The following REELD1 variants were observed in gnomAD, a reference collection of about 807,000 sequenced individuals.
REELD1 encodes reelin domain-containing protein 1.
REELD1 carries 12 observed loss-of-function variants against 6.3 expected under a neutral mutation model. The ratio of observed to expected loss-of-function variants is 1.89; its 90% confidence interval spans 1.21 to 3.07. REELD1 has a LOEUF of 3.07. Ranked by LOEUF, REELD1 falls within the 30% of genes most tolerant of loss-of-function variation. The pLI, the probability that REELD1 is intolerant of heterozygous loss-of-function variation, is 0.00. For missense variants in REELD1, 163 were observed against 86.8 expected (o/e 1.88, Z -3.49); for synonymous variants, 57 against 33.6 (o/e 1.70, Z -2.42).
rs151007671 is a variant in REELD1 at position 146,225,366 on chromosome 4, C to T, written c.595+758C>T. On this transcript the variant is annotated intron_variant, in intron 5 of 7. Coordinates refer to ENST00000623665, the MANE Select transcript of REELD1 (RefSeq NM_001354631.1). ...CACAAGACCCTACCCTTAATCCATT[C>T]ATTCTCCTCTTCGCTTATTCTTTCC... Among the ~76,000 whole-genome samples the T allele has an allele frequency of 1.2e-4, 19 of 152,312 alleles. No individual in the cohort carries two copies. The East Asian group carries it at 3.1e-3, about 25-fold the overall frequency.
intron 4 of REELD1, among the ~76,000 whole-genome samples, chr4:146,223,593 C>T (rs1730962012): frequency 6.6e-6 from 1 of 152,162 alleles, no homozygotes; most frequent in African/African-American, 2.4e-5. Flanking sequence ...TTGGATGTAC[C>T]ATCATAGTTG....
rs747107941 is a variant in REELD1, at chr4:146,228,502, C to T, written c.888C>T (p.Ser296=). The part of the protein sequence containing the change: ...LKRVSSESFA[S]SLSTHHRTQD... ...GAGTCTCCTCAGAGAGCTTTGCTTC[C>T]AGCCTTAGCACCCATCACAGGTAAG... The change falls in exon 6 of 8, where the codon TCC becomes TCT. Residue 296 remains serine, a synonymous_variant. Coordinates refer to ENST00000623665, the MANE Select transcript of REELD1 (RefSeq NM_001354631.1). 1.4e-6 allele frequency: 1 copy of T among 702,336 alleles called. No individual in the cohort carries two copies. Among genetic ancestry groups the T allele is most frequent in the South Asian group, 1.5e-5 (1 of 67,568 alleles). 43.5% of individuals were successfully genotyped at this position (702,336 alleles called of 1,614,324 possible).
intron 4 of REELD1, 105 bp downstream of exon 4, chr4:146,222,684 G>A: frequency 2.5e-6 from 1 of 397,380 alleles, no homozygotes; most frequent in Non-Finnish European, 4.4e-6. Flanking sequence ...CTCCTTATGT[G>A]GCCACCTTAT....
chr4:146,222,116 A>C (rs996884210), intron 3 of REELD1, among the ~76,000 whole-genome samples: 2 of 152,246 alleles, frequency 1.3e-5, no homozygotes, highest in East Asian at 3.9e-4. Context: ...AGGTATTTCT[A>C]AATCCAATAT....
intron 5 of REELD1, among the ~76,000 whole-genome samples, chr4:146,227,114 T>A (rs750945627): frequency 3.4e-4 from 51 of 152,192 alleles, no homozygotes; most frequent in Non-Finnish European, 7.1e-4. Flanking sequence ...CTCTTCCCAG[T>A]TTTGAGTTCA....
At chr4:146,226,556 A>G (rs1731026553) in intron 5 of REELD1, among the ~76,000 whole-genome samples, 1 of 152,186 alleles carries the variant, frequency 6.6e-6, no homozygotes, top group African/African-American at 2.4e-5. Flanking sequence ...CTGTCTTCAC[A>G]TGGTGGAAGG....
intron 5 of REELD1, among the ~76,000 whole-genome samples, chr4:146,225,350 C>T (rs1165058645): frequency 1.3e-5 from 2 of 152,182 alleles, no homozygotes; most frequent in Non-Finnish European, 2.9e-5. Context: ...ACACAAGACC[C>T]TACCCTTAAT....
chr4:146,224,308 C>CT (rs1291249238), intron 4 of REELD1, 137 bp from the exon 5 acceptor site: 1 of 430,654 alleles, frequency 2.3e-6, no homozygotes. Context: ...TATAATCTCT[C>CT]TCTCTCATTC....
At chr4:146,215,976 C>A (rs1414510153) in intron 2 of REELD1, among the ~76,000 whole-genome samples, 2 of 152,166 alleles carry the variant, frequency 1.3e-5, no homozygotes, top group African/African-American at 2.4e-5. Context: ...GTCTTGAACT[C>A]CTGTGCTCAC....
chr4:146,223,733 C>T (rs138839716), intron 4 of REELD1, among the ~76,000 whole-genome samples: 32 of 152,328 alleles, frequency 2.1e-4, no homozygotes, highest in South Asian at 1.0e-3. Context: ...CGCTTGCGCA[C>T]GATAATGTCC....
chr4:146,218,444 C>A (rs1032399968), intron 3 of REELD1, among the ~76,000 whole-genome samples: 1 of 152,210 alleles, frequency 6.6e-6, no homozygotes, highest in Non-Finnish European at 1.5e-5. Context: ...ACATCAGCAA[C>A]TTTTGCCCTA....
At chr4:146,225,379 G>A (rs746984715) in intron 5 of REELD1, among the ~76,000 whole-genome samples, 7 of 151,992 alleles carry the variant, frequency 4.6e-5, no homozygotes, top group Non-Finnish European at 8.8e-5. Flanking sequence ...TCTCCTCTTC[G>A]CTTATTCTTT....
chr4:146,219,454 C>A (rs1730882556), intron 3 of REELD1, among the ~76,000 whole-genome samples: 1 of 152,154 alleles, frequency 6.6e-6, no homozygotes, highest in Non-Finnish European at 1.5e-5. Flanking sequence ...ATACTCAACT[C>A]CTAGCATAGT....
chr4:146,224,599 G>T lies in REELD1; in HGVS notation c.586G>T (p.Ala196Ser), dbSNP rs1278877814. 1 of 702,044 alleles carries T rather than the reference G, an allele frequency of 1.4e-6. No individual in the cohort carries two copies. Among genetic ancestry groups the T allele is most frequent in the Non-Finnish European group, 2.6e-6 (1 of 384,948 alleles). The allele number at this position is 702,044 out of a possible 1,614,324, so 43.5% of individuals were successfully genotyped here. A position where few individuals can be genotyped will look rare whatever the true frequency, so the allele number is the denominator to read the frequency against. ...CCAGAGGCTGGGCGATGTTGAAGGA[G>T]CTGCTCCAGGTACAGCTTGTCATTG... is the stretch of plus-strand genomic sequence containing the variant. ...LHQRLGDVEG[A>S]APAPRTPITL... Residue 196 changes from alanine to serine, a missense_variant, in exon 5 of 8, where the codon GCT becomes TCT. Transcript: ENST00000623665.
chr4:146,222,428 G>T lies in REELD1; in HGVS notation c.280G>T (p.Ala94Ser), dbSNP rs549556544. ...TCGAAGAGTGTCCGATCATCAAATC[G>T]CTGGCACTTTCGTTCTCATTCCTCC... ...QARRVSDHQI[A>S]GTFVLIPPHS... Residue 94 changes from alanine (A) to serine (S), a missense_variant, in exon 4 of 8, where the codon GCT (alanine) becomes TCT (serine). Transcript: ENST00000623665. 1.2e-3 allele frequency: 471 copies of T among 398,580 alleles called. 1 individual carries two copies. Among genetic ancestry groups the T allele is most frequent in the Non-Finnish European group, 1.8e-3 (408 of 226,058 alleles). 24.7% of individuals were successfully genotyped at this position (398,580 alleles called of 1,614,324 possible). A position where few individuals can be genotyped will look rare whatever the true frequency, so the allele number is the denominator to read the frequency against.
At chr4:146,223,765 T>G (rs1730967104) in intron 4 of REELD1, among the ~76,000 whole-genome samples, 1 of 152,216 alleles carries the variant, frequency 6.6e-6, no homozygotes, top group Non-Finnish European at 1.5e-5. Context: ...AAACCGCATG[T>G]TGGGGGCCTG....
chr4:146,230,063 G>A lies in REELD1; in HGVS notation c.1131G>A (p.Gly377=). The change falls in exon 8 of 8, where the codon GGG becomes GGA. Residue 377 remains glycine (G), a synonymous_variant. Coordinates refer to ENST00000623665, the MANE Select transcript of REELD1 (RefSeq NM_001354631.1). ...IPVLQTSGTS[G]LPAAGDQSEA... is the part of the protein sequence containing the mutation. Reference sequence around the variant, plus strand: ...TCCTCCAGACCTCTGGCACTTCTGGGCTACCTGCTGCTGGTGACCAGTCAG... The same window carrying A: ...TCCTCCAGACCTCTGGCACTTCTGGACTACCTGCTGCTGGTGACCAGTCAG... 2.5e-6 allele frequency: 1 copy of A among 398,812 alleles called. No individual in the cohort carries two copies. Among genetic ancestry groups the A allele is most frequent in the Non-Finnish European group, 4.4e-6 (1 of 226,216 alleles). The allele number at this position is 398,812 out of a possible 1,614,324, so 24.7% of individuals were successfully genotyped here. A position where few individuals can be genotyped will look rare whatever the true frequency, so the allele number is the denominator to read the frequency against.
At chr4:146,225,636 A>C (rs138799740) in intron 5 of REELD1, among the ~76,000 whole-genome samples, 35 of 152,228 alleles carry the variant, frequency 2.3e-4, no homozygotes, top group African/African-American at 8.4e-4. Flanking sequence ...CACCCCTGAC[A>C]TATGTTTGAA....
In REELD1 at chr4:146,228,475, G is replaced by A. The variant is rs909462397; in HGVS notation, c.861G>A (p.Lys287=). 2 of 702,544 alleles carry A rather than the reference G, an allele frequency of 2.8e-6. No homozygotes were observed. The highest frequency in any genetic ancestry group is 5.2e-6 in the Non-Finnish European group (2 of 384,988). The allele number at this position is 702,544 out of a possible 1,614,324, so 43.5% of individuals were successfully genotyped here. A position where few individuals can be genotyped will look rare whatever the true frequency, so the allele number is the denominator to read the frequency against. The change falls in exon 6 of 8, where the codon AAG becomes AAA. Residue 287 remains lysine (K), a synonymous_variant. Coordinates refer to ENST00000623665, the MANE Select transcript of REELD1 (RefSeq NM_001354631.1). Reference sequence around the variant, plus strand: ...GGCTGGAGAGGCTCGTGGCCCTCAAGAGAGTCTCCTCAGAGAGCTTTGCTT... The same window carrying A: ...GGCTGGAGAGGCTCGTGGCCCTCAAAAGAGTCTCCTCAGAGAGCTTTGCTT... ...VHRLERLVAL[K]RVSSESFASS...
Sources: allele counts gnomAD v4.1 joint callset (sites outside exome capture counted in the v4.1 genomes callset), GRCh38; gene constraint gnomAD v4.1.1; transcripts MANE v1.5; gene names NCBI Gene and HGNC (gene_info 2026-07-23, HGNC 2026-07-21).